The following SGCZ variants were observed in gnomAD, a reference collection of about 807,000 sequenced individuals.
The protein encoded by SGCZ is sarcoglycan zeta.
Under a neutral mutation model 41.3 loss-of-function variants are expected in SGCZ, and 40 were observed. The ratio of observed to expected loss-of-function variants is 0.97; its 90% confidence interval spans 0.75 to 1.26. SGCZ has a LOEUF of 1.26. Among genes scored for constraint, SGCZ ranks in the 50% most tolerant of loss-of-function variants. SGCZ has a pLI of 0.00. For missense variants in SGCZ, 552 were observed against 369.8 expected (o/e 1.49, Z -4.04); for synonymous variants, 206 against 137.5 (o/e 1.50, Z -3.49).
chr8:15,152,409 GA>G lies in SGCZ; in HGVS notation c.39+85175del, dbSNP rs530557709. 1.3e-4 allele frequency among the ~76,000 whole-genome samples: 20 copies of G among 152,284 alleles called. No individual in the cohort carries two copies. In the South Asian group the frequency reaches 4.1e-3, roughly 32 times the overall value. Reference sequence around the variant, plus strand: ...ACAGTACGTGGAAGAAAATTAACAGGAAATAAACACATAACCTGGAGAAACA... The same window carrying G: ...ACAGTACGTGGAAGAAAATTAACAGGAATAAACACATAACCTGGAGAAACA... On this transcript the variant is annotated intron_variant, in intron 1 of 7. Coordinates refer to ENST00000382080, the MANE Select transcript of SGCZ (RefSeq NM_139167.4).
At chr8:14,526,020 T>C (rs749920078) in intron 2 of SGCZ, among the ~76,000 whole-genome samples, 27 of 152,166 alleles carry the variant, frequency 1.8e-4, no homozygotes, top group Non-Finnish European at 3.4e-4. Context: ...TCTGTAATAA[T>C]TGTTTTCTGT....
intron 4 of SGCZ, among the ~76,000 whole-genome samples, chr8:14,237,159 TTC>T (rs1344484647): frequency 1.3e-5 from 2 of 152,134 alleles, no homozygotes; most frequent in African/African-American, 4.8e-5. Flanking sequence ...ATGAAAATAT[TTC>T]TTAGAAAAAT....
intron 2 of SGCZ, among the ~76,000 whole-genome samples, chr8:14,388,980 T>C (rs539940286): frequency 1.3e-4 from 20 of 152,144 alleles, no homozygotes; most frequent in Admixed American, 3.3e-4. Context: ...TTAAAATCTA[T>C]TTCACAGACA....
At chr8:14,254,553 C>G (rs991379628) in intron 3 of SGCZ, among the ~76,000 whole-genome samples, 2 of 152,118 alleles carry the variant, frequency 1.3e-5, no homozygotes, top group African/African-American at 4.8e-5. Context: ...TTGAATCCAG[C>G]TTTTAGTGTC....
At chr8:14,859,311 T>C (rs35976517) in intron 1 of SGCZ, among the ~76,000 whole-genome samples, 9,770 of 152,190 alleles carry the variant, frequency 0.064, 580 homozygotes, top group African/African-American at 0.16. Context: ...ACCACTAGCA[T>C]ATTTTGGGAC....
At chr8:14,160,615 C>G (rs1047569916) in intron 5 of SGCZ, among the ~76,000 whole-genome samples, 2 of 152,112 alleles carry the variant, frequency 1.3e-5, no homozygotes, top group Non-Finnish European at 2.9e-5. Flanking sequence ...CTGGGCAAGA[C>G]AAGTAATGTC....
chr8:14,817,215 G>A (rs1479857124), intron 1 of SGCZ, among the ~76,000 whole-genome samples: 2 of 152,138 alleles, frequency 1.3e-5, no homozygotes, highest in Admixed American at 6.6e-5. Context: ...GCCATAGAGA[G>A]GGGATGGAGG....
At chr8:14,605,572 C>G (rs1366175963) in intron 1 of SGCZ, among the ~76,000 whole-genome samples, 1 of 152,018 alleles carries the variant, frequency 6.6e-6, no homozygotes, top group Non-Finnish European at 1.5e-5. Context: ...ACTACCCTGC[C>G]CAGCGTCTAG....
rs1367396330 is a variant in SGCZ, at chr8:15,146,238, G to A, written c.39+91347C>T. Among the ~76,000 whole-genome samples the A allele has an allele frequency of 1.3e-5, 2 of 152,082 alleles. 1 individual carries two copies. The highest frequency in any genetic ancestry group is 4.1e-4 in the South Asian group (2 of 4,828). ...GCACAAACATCTAATCTTATTCAAT[G>A]TTTACAAAAATATAATGATGTAAAT... On this transcript the variant is annotated intron_variant, in intron 1 of 7. Coordinates refer to ENST00000382080, the MANE Select transcript of SGCZ (RefSeq NM_139167.4).
chr8:15,027,742 G>C (rs1376609669), intron 1 of SGCZ, among the ~76,000 whole-genome samples: 1 of 151,922 alleles, frequency 6.6e-6, no homozygotes, highest in Non-Finnish European at 1.5e-5. Flanking sequence ...TCATTTTATA[G>C]ACTAGTTTCA....
intron 2 of SGCZ, among the ~76,000 whole-genome samples, chr8:14,440,738 T>C (rs911929351): frequency 2.0e-5 from 3 of 146,648 alleles, no homozygotes; most frequent in African/African-American, 7.7e-5. Flanking sequence ...TATGTATATA[T>C]GTATATACAT....
At chr8:14,343,149 A>T (rs538960631) in intron 2 of SGCZ, among the ~76,000 whole-genome samples, 139 of 152,350 alleles carry the variant, frequency 9.1e-4, no homozygotes, top group African/African-American at 3.3e-3. Context: ...CAGAAGATGT[A>T]TGGAAACACT....
At chr8:14,125,157 G>T (rs1334182822) in intron 5 of SGCZ, among the ~76,000 whole-genome samples, 1 of 152,018 alleles carries the variant, frequency 6.6e-6, no homozygotes, top group Admixed American at 6.6e-5. Context: ...CAAAGAAATG[G>T]GAAAACATTC....
intron 2 of SGCZ, among the ~76,000 whole-genome samples, chr8:14,423,989 G>A (rs545327110): frequency 3.9e-5 from 6 of 152,120 alleles, no homozygotes; most frequent in Admixed American, 2.6e-4. Context: ...TGACAGGAAA[G>A]AAAGTATATG....
At chr8:14,361,299 C>A (rs971856404) in intron 2 of SGCZ, among the ~76,000 whole-genome samples, 1 of 152,174 alleles carries the variant, frequency 6.6e-6, no homozygotes, top group East Asian at 1.9e-4. Context: ...GTTCCATTCT[C>A]CCCATCACTT....
chr8:15,140,974 G>A (rs1018779560), intron 1 of SGCZ, among the ~76,000 whole-genome samples: 13 of 152,136 alleles, frequency 8.5e-5, no homozygotes, highest in African/African-American at 2.9e-4. Context: ...AGGATTTATA[G>A]CTTTACTTAA....
chr8:14,437,177 G>A (rs1192868221), intron 2 of SGCZ, among the ~76,000 whole-genome samples: 2 of 152,104 alleles, frequency 1.3e-5, no homozygotes, highest in African/African-American at 2.4e-5. Context: ...AATTTCCAGT[G>A]AATAGGATTA....
At chr8:14,331,727 G>C (rs1040402967) in intron 2 of SGCZ, among the ~76,000 whole-genome samples, 1 of 151,756 alleles carries the variant, frequency 6.6e-6, no homozygotes, top group African/African-American at 2.4e-5. Context: ...TGTACCTTCA[G>C]TTGTCAGGGT....
At chr8:14,609,679 C>A (rs1318967140) in intron 1 of SGCZ, among the ~76,000 whole-genome samples, 4 of 152,128 alleles carry the variant, frequency 2.6e-5, no homozygotes, top group Admixed American at 2.6e-4. Flanking sequence ...AAGGAGATGC[C>A]AGGCTCCAGT....
Sources: gnomAD v4.1 joint callset for allele counts (sites outside exome capture counted in the v4.1 genomes callset) on GRCh38, gnomAD v4.1.1 for gene constraint, MANE v1.5 for transcripts, NCBI Gene and HGNC (gene_info 2026-07-23, HGNC 2026-07-21) for gene names.